The following LRRC28 variants were observed in gnomAD, a reference collection of about 807,000 sequenced individuals.
LRRC28 encodes the protein leucine-rich repeat-containing protein 28.
Under a neutral mutation model 45.7 loss-of-function variants are expected in LRRC28, and 39 were observed. The ratio of observed to expected loss-of-function variants is 0.85; its 90% CI spans 0.66 to 1.12. The LOEUF (loss-of-function observed/expected upper bound fraction) is 1.12, where lower values mean the gene tolerates loss of function less well. LRRC28 is among the 50% of genes most tolerant of loss of function. LRRC28 has a pLI of 0.00. For missense variants in LRRC28, 435 were observed against 438.5 expected, an observed-to-expected ratio of 0.99 and a Z score of 0.07; for synonymous variants, 206 against 178.8, an observed-to-expected ratio of 1.15 and a Z score of -1.22.
chr15:99,329,332 A>G (rs974350556), intron 5 of LRRC28, among the ~76,000 whole-genome samples: 3 of 152,224 alleles, frequency 2.0e-5, no homozygotes, highest in Admixed American at 2.0e-4. Context: ...TCCAAATATA[A>G]GTGGAGAGAG....
intron 5 of LRRC28, among the ~76,000 whole-genome samples, chr15:99,304,558 G>A (rs1955110227): frequency 6.6e-6 from 1 of 151,956 alleles, no homozygotes; most frequent in African/African-American, 2.4e-5. Flanking sequence ...AGTCTCCTGA[G>A]TAGCTGGGAT....
intron 1 of LRRC28, 71 bp from the exon 2 acceptor site, chr15:99,255,827 T>C: frequency 3.3e-6 from 3 of 908,868 alleles, no homozygotes; most frequent in Non-Finnish European, 4.8e-6. Context: ...TGGCTCTGTG[T>C]GCTAACTGGT....
At chr15:99,373,204 A>G (rs765018940) in intron 9 of LRRC28, among the ~76,000 whole-genome samples, 3 of 152,160 alleles carry the variant, frequency 2.0e-5, no homozygotes, top group Admixed American at 1.3e-4. Flanking sequence ...TGCATTTAAC[A>G]TAATTATCTT....
At chr15:99,268,118 C>T (rs1187360948) in intron 2 of LRRC28, among the ~76,000 whole-genome samples, 1 of 152,094 alleles carries the variant, frequency 6.6e-6, no homozygotes, top group African/African-American at 2.4e-5. Flanking sequence ...TTATTGATAA[C>T]CTCTTCCTAG....
intron 5 of LRRC28, among the ~76,000 whole-genome samples, chr15:99,324,032 G>A (rs1383533686): frequency 6.6e-6 from 1 of 152,166 alleles, no homozygotes; most frequent in South Asian, 2.1e-4. Flanking sequence ...TTGAAATGTT[G>A]TCTTTTATTT....
At chr15:99,294,789 A>G (rs1162698455) in intron 5 of LRRC28, among the ~76,000 whole-genome samples, 1 of 152,216 alleles carries the variant, frequency 6.6e-6, no homozygotes, top group East Asian at 1.9e-4. Context: ...AGGTGGGGAC[A>G]CAAACATTCA....
intron 6 of LRRC28, among the ~76,000 whole-genome samples, chr15:99,349,534 G>T (rs1956804353): frequency 6.6e-6 from 1 of 152,142 alleles, no homozygotes; most frequent in African/African-American, 2.4e-5. Context: ...CAGGGAAGAG[G>T]TTTTCTAACT....
At chr15:99,261,857 G>A (rs1023436590) in intron 2 of LRRC28, among the ~76,000 whole-genome samples, 1 of 151,840 alleles carries the variant, frequency 6.6e-6, no homozygotes. Flanking sequence ...GGGTTTCTCC[G>A]TGTTGGTCAG....
intron 5 of LRRC28, among the ~76,000 whole-genome samples, chr15:99,323,065 C>T (rs1013132162): frequency 1.8e-4 from 27 of 152,086 alleles, no homozygotes; most frequent in Admixed American, 1.8e-3. Context: ...TCTTTTTTTA[C>T]TGCTTTTGTA....
rs747700282 is a variant in LRRC28, at chr15:99,293,593, C to CCAAAAAAA, written c.385+5642_385+5643insCAAAAAAA. 1.5e-3 allele frequency among the ~76,000 whole-genome samples: 66 copies of CCAAAAAAA among 44,080 alleles called. 4 individuals are homozygous for CCAAAAAAA. The highest frequency in any genetic ancestry group is 3.0e-3 in the East Asian group (4 of 1,350). 28.9% of individuals were successfully genotyped at this position (44,080 alleles called of 152,430 possible). Reference sequence around the variant, plus strand: ...GGGCAACAAGAACGAAACTCTGTCACAAAAAAAAAAAAAAAAAAAAAAAAA... The same window carrying CCAAAAAAA: ...GGGCAACAAGAACGAAACTCTGTCACCAAAAAAAAAAAAAAAAAAAAAAAAAAAAAAAA... On this transcript the variant is annotated intron_variant, in intron 5 of 9. Transcript: ENST00000301981.
In LRRC28 at chr15:99,388,504, T is replaced by C. The variant is rs547668107; in HGVS notation, c.*2402T>C. On this transcript the variant is annotated 3_prime_UTR_variant, in exon 10 of 10. Coordinates refer to ENST00000301981, the MANE Select transcript of LRRC28 (RefSeq NM_144598.5). ...CCTTGGGTACAGCACCTGAACTTAA[T>C]TGATGAGAAGTGGAACTTAAGTGGT... 1 of 152,316 alleles carries C rather than the reference T, an allele frequency of 6.6e-6. No individual in the cohort carries two copies. Among genetic ancestry groups the C allele is most frequent in the African/African-American group, 2.4e-5 (1 of 41,576 alleles). 9.4% of individuals were successfully genotyped at this position (152,316 alleles called of 1,614,324 possible). A position where few individuals can be genotyped will look rare whatever the true frequency, so the allele number is the denominator to read the frequency against.
chr15:99,288,955 T>G (rs1442658701), intron 5 of LRRC28, among the ~76,000 whole-genome samples: 1 of 152,150 alleles, frequency 6.6e-6, no homozygotes, highest in East Asian at 1.9e-4. Context: ...GTTGGGATTA[T>G]AGGTGTGAGC....
chr15:99,319,346 TTGAAGAA>T (rs1955711960), intron 5 of LRRC28, among the ~76,000 whole-genome samples: 1 of 152,152 alleles, frequency 6.6e-6, no homozygotes, highest in African/African-American at 2.4e-5. Context: ...TCCATGAATC[TTGAAGAA>T]TGAGGAAGAT....
At chr15:99,350,186 A>G (rs1250540811) in intron 6 of LRRC28, among the ~76,000 whole-genome samples, 1 of 152,166 alleles carries the variant, frequency 6.6e-6, no homozygotes, top group Admixed American at 6.5e-5. Flanking sequence ...AACAATGTCA[A>G]GATACCTTTT....
At chr15:99,334,207 T>C in intron 6 of LRRC28, 78 bp downstream of exon 6, 1 of 1,496,240 alleles carries the variant, frequency 6.7e-7, no homozygotes, top group Non-Finnish European at 9.3e-7. Context: ...AACCAATTAG[T>C]TAGTTTCCTT....
intron 5 of LRRC28, among the ~76,000 whole-genome samples, chr15:99,298,064 C>G (rs1597278003): frequency 6.6e-6 from 1 of 150,462 alleles, no homozygotes; most frequent in Non-Finnish European, 1.5e-5. Context: ...AAAAAAAAGG[C>G]AAAAGAAGAA....
intron 2 of LRRC28, among the ~76,000 whole-genome samples, chr15:99,275,516 T>G (rs1381328234): frequency 6.6e-6 from 1 of 152,180 alleles, no homozygotes; most frequent in Non-Finnish European, 1.5e-5. Context: ...GGAGCATGAT[T>G]TGGGAATTTG....
At chr15:99,257,341 T>G (rs1011041) in intron 2 of LRRC28, among the ~76,000 whole-genome samples, 22,139 of 152,230 alleles carry the variant, frequency 0.15, 1,721 homozygotes, top group Admixed American at 0.21. Context: ...TTAGTACTTT[T>G]TAACCCTTTA....
chr15:99,371,065 C>T (rs1019928448), intron 9 of LRRC28, among the ~76,000 whole-genome samples: 3 of 150,386 alleles, frequency 2.0e-5, no homozygotes, highest in African/African-American at 7.4e-5. Flanking sequence ...GAGATCGCGC[C>T]ACTGCACTCC....
Sources: allele counts gnomAD v4.1 joint callset (sites outside exome capture counted in the v4.1 genomes callset), GRCh38; gene constraint gnomAD v4.1.1; transcripts MANE v1.5; gene names NCBI Gene and HGNC (gene_info 2026-07-23, HGNC 2026-07-21).